The following MTDH variants were observed in gnomAD, a reference collection of about 807,000 sequenced individuals.
The protein encoded by MTDH is protein LYRIC.
MTDH carries 34 observed loss-of-function variants against 72.7 expected under a neutral mutation model. The observed-to-expected ratio is 0.47, with a 90% CI of 0.36 to 0.62. The LOEUF (loss-of-function observed/expected upper bound fraction) is 0.62. Among genes scored for constraint, MTDH ranks in the 20% least tolerant of loss-of-function variants. The pLI, the probability that MTDH is intolerant of heterozygous loss-of-function variation, is 0.00. For missense variants in MTDH, 677 were observed against 699.4 expected (o/e 0.97, Z 0.36); for synonymous variants, 266 against 268.9 (o/e 0.99, Z 0.10).
rs1220991911 is a variant in MTDH at position 97,680,513 on chromosome 8, A to G, written c.484-6155A>G. 2.0e-5 allele frequency among the ~76,000 whole-genome samples: 3 copies of G among 152,358 alleles called. No individual in the cohort carries two copies. In the East Asian group the frequency reaches 5.8e-4, roughly 29 times the overall value. On this transcript the variant is annotated intron_variant, in intron 2 of 11. Coordinates refer to ENST00000336273, the MANE Select transcript of MTDH (RefSeq NM_178812.4). ...ATGGTGTGTGTATGTATACATGCAC[A>G]TACATGTGCACACATGCCTATACAT...
intron 1 of MTDH, among the ~76,000 whole-genome samples, chr8:97,657,746 T>TAA (rs1248470056): frequency 2.6e-5 from 4 of 152,170 alleles, no homozygotes; most frequent in Non-Finnish European, 5.9e-5. Flanking sequence ...GAGCTCTTGC[T>TAA]GATCCTCTTG....
chr8:97,671,089 C>T (rs977777838), intron 2 of MTDH, among the ~76,000 whole-genome samples: 3 of 151,910 alleles, frequency 2.0e-5, no homozygotes, highest in Non-Finnish European at 4.4e-5. Context: ...CCTCAGCCTC[C>T]CGAGTAGCTG....
At position 97,661,090 on chromosome 8, in the gene MTDH, G is replaced by C. The variant is rs200267294; in HGVS notation, c.400G>C (p.Glu134Gln). The C allele has an allele frequency of 1.9e-6, 3 of 1,613,036 alleles. No homozygotes were observed. ...TGTGCAGCCAAATGGGCGGACTGTTGAAGTGGCTGAGGGTGAAGCTGTTCG... is the reference window on the plus strand; with the variant it reads ...TGTGCAGCCAAATGGGCGGACTGTTCAAGTGGCTGAGGGTGAAGCTGTTCG... ...EKPKPNGRTV[E>Q]VAEGEAVRTP... The change falls in exon 2 of 12, where the codon GAA becomes CAA. Residue 134 changes from glutamate (E) to glutamine (Q), a missense_variant. Physicochemically the swap from Glu to Gln is conservative, Grantham distance 29. Transcript: ENST00000336273.
chr8:97,669,982 A>T (rs2468019), intron 2 of MTDH, among the ~76,000 whole-genome samples: 70,610 of 150,342 alleles, frequency 0.47, 19,353 homozygotes, highest in African/African-American at 0.75. Context: ...TGTAGCCTGG[A>T]TTTTTTTGCC....
At chr8:97,706,531 A>C in intron 7 of MTDH, 95 bp from the exon 8 acceptor site, 3 of 1,222,782 alleles carry the variant, frequency 2.5e-6, no homozygotes, top group East Asian at 2.7e-5. Context: ...AATAACTTAA[A>C]ATTACAGCTT....
chr8:97,695,929 A>C (rs1813816898), intron 6 of MTDH, among the ~76,000 whole-genome samples: 1 of 152,200 alleles, frequency 6.6e-6, no homozygotes, highest in East Asian at 1.9e-4. Flanking sequence ...TTGGGAATTG[A>C]CTTAAGCTGC....
chr8:97,687,659 G>A (rs923415562), intron 4 of MTDH, 54 bp downstream of exon 4: 32 of 1,393,858 alleles, frequency 2.3e-5, no homozygotes, highest in East Asian at 1.2e-4. Flanking sequence ...CCTTTTATTC[G>A]GATGTACAAA....
At chr8:97,686,629 C>T (rs778887591) in intron 2 of MTDH, 39 bp from the exon 3 acceptor site, 8 of 1,333,274 alleles carry the variant, frequency 6.0e-6, no homozygotes, top group Non-Finnish European at 2.0e-6. Flanking sequence ...TATTCAAAAA[C>T]ATAACAAAAT....
chr8:97,680,364 C>T (rs1813022745), intron 2 of MTDH, among the ~76,000 whole-genome samples: 1 of 152,152 alleles, frequency 6.6e-6, no homozygotes, highest in Non-Finnish European at 1.5e-5. Context: ...TGTACCACCG[C>T]ACCCAGCTCA....
At chr8:97,664,738 TTTCC>T (rs1215414003) in intron 2 of MTDH, among the ~76,000 whole-genome samples, 1 of 152,002 alleles carries the variant, frequency 6.6e-6, no homozygotes, top group Non-Finnish European at 1.5e-5. Flanking sequence ...TCTTTCTTCT[TTTCC>T]TTCCTTCCTT....
rs1811471155 is a variant in MTDH at position 97,644,392 on chromosome 8, C to G, written c.-115C>G. The stretch of plus-strand genomic sequence containing the variant: ...CCCCGGCTCCGGCGCGAGGGACGGC[C>G]GCGATGCGCTCGGCCTGAGGTTACC... On this transcript the variant is annotated 5_prime_UTR_variant, in exon 1 of 12. Transcript: ENST00000336273. 1 of 1,374,314 alleles carries G rather than the reference C, an allele frequency of 7.3e-7. No individual in the cohort carries two copies. The highest frequency in any genetic ancestry group is 2.5e-4 in the Middle Eastern group (1 of 3,930). 85.1% of individuals were successfully genotyped at this position (1,374,314 alleles called of 1,614,324 possible).
chr8:97,657,563 G>T (rs887381803), intron 1 of MTDH, among the ~76,000 whole-genome samples: 1 of 151,826 alleles, frequency 6.6e-6, no homozygotes, highest in Non-Finnish European at 1.5e-5. Context: ...GAGTACAGTG[G>T]TGCAGTCACA....
Position 97,644,641 on chromosome 8 carries a change from A to G in MTDH, c.135A>G (p.Lys45=), listed in dbSNP as rs2130898572. 1 of 1,609,986 alleles carries G rather than the reference A, an allele frequency of 6.2e-7. No homozygotes were observed. The highest frequency in any genetic ancestry group is 1.3e-5 in the African/African-American group (1 of 74,540). ...ELGLDLGLEP[K]RYPGWVILVG... ...GCCTCGACCTGGGGCTGGAGCCGAA[A>G]CGGTACCCCGGCTGGGTGATCCTGG... Residue 45 remains lysine, a synonymous_variant, in exon 1 of 12, where the codon AAA becomes AAG. Coordinates refer to ENST00000336273, the MANE Select transcript of MTDH (RefSeq NM_178812.4).
intron 2 of MTDH, among the ~76,000 whole-genome samples, chr8:97,671,211 C>T (rs1023772004): frequency 2.6e-5 from 4 of 152,024 alleles, no homozygotes; most frequent in East Asian, 1.9e-4. Context: ...AGGTGATCCT[C>T]GTGTCTCGGC....
chr8:97,658,293 C>A (rs1812054948), intron 1 of MTDH, among the ~76,000 whole-genome samples: 1 of 152,204 alleles, frequency 6.6e-6, no homozygotes, highest in South Asian at 2.1e-4. Flanking sequence ...AAAATTGGCA[C>A]AGATAGGAGC....
intron 2 of MTDH, among the ~76,000 whole-genome samples, chr8:97,664,114 G>C (rs150202149): frequency 0.028 from 4,319 of 152,292 alleles, 143 homozygotes; most frequent in African/African-American, 0.072. Context: ...CCAGCACTTT[G>C]GGAGGCTGAG....
intron 1 of MTDH, among the ~76,000 whole-genome samples, chr8:97,645,319 GA>G (rs1811525421): frequency 6.6e-6 from 1 of 152,214 alleles, no homozygotes; most frequent in African/African-American, 2.4e-5. Flanking sequence ...AAGTCACATT[GA>G]GACAGTAGGC....
At chr8:97,704,520 A>T (rs1814267623) in intron 7 of MTDH, among the ~76,000 whole-genome samples, 1 of 152,174 alleles carries the variant, frequency 6.6e-6, no homozygotes, top group Non-Finnish European at 1.5e-5. Flanking sequence ...AGGCAGGAGG[A>T]TCACTTGAGC....
intron 1 of MTDH, among the ~76,000 whole-genome samples, chr8:97,651,367 A>G (rs1014500474): frequency 6.6e-6 from 1 of 152,240 alleles, no homozygotes. Context: ...ATGCTTAGGA[A>G]TGCTCAGCAG....
Sources: gnomAD v4.1 joint callset for allele counts (sites outside exome capture counted in the v4.1 genomes callset) on GRCh38, gnomAD v4.1.1 for gene constraint, MANE v1.5 for transcripts, NCBI Gene and HGNC (gene_info 2026-07-23, HGNC 2026-07-21) for gene names.